The following UPRT variants were observed in gnomAD, a reference collection of about 807,000 sequenced individuals.
UPRT encodes uracil phosphoribosyltransferase homolog.
UPRT carries 5 observed loss-of-function variants against 22.6 expected under a neutral mutation model. The observed-to-expected ratio is 0.22, with a 90% CI of 0.12 to 0.47. The LOEUF (loss-of-function observed/expected upper bound fraction) is 0.47. Ranked by LOEUF, UPRT falls within the 20% of genes least tolerant of loss-of-function variation. UPRT has a pLI of 0.99. For synonymous variants in UPRT, 77 were observed against 87.7 expected, an observed-to-expected ratio of 0.88 and a Z score of 0.68; for missense variants, 181 against 239.9, an observed-to-expected ratio of 0.75 and a Z score of 1.62.
At chrX:75,226,786 G>T (rs1435545945) in intron 4 of UPRT, among the ~76,000 whole-genome samples, 1 of 109,708 alleles carries the variant, frequency 9.1e-6, no homozygotes. Context: ...TTTGTATATT[G>T]TCTGTTTCCC....
At chrX:75,219,757 C>T (rs1397076183) in intron 4 of UPRT, among the ~76,000 whole-genome samples, 1 of 111,015 alleles carries the variant, frequency 9.0e-6, no homozygotes, top group African/African-American at 3.3e-5. Flanking sequence ...ATGCAGACCC[C>T]AATACAATAA....
At chrX:75,234,459 C>G (rs1393104120) in intron 4 of UPRT, among the ~76,000 whole-genome samples, 1 of 111,719 alleles carries the variant, frequency 9.0e-6, no homozygotes, top group African/African-American at 3.3e-5. Context: ...ACAGAACACT[C>G]TACCCCAAAT....
intron 1 of UPRT, among the ~76,000 whole-genome samples, chrX:75,281,442 A>T (rs974077842): frequency 9.0e-6 from 1 of 111,361 alleles, no homozygotes; most frequent in Non-Finnish European, 1.9e-5. Flanking sequence ...TGTCCTTTCT[A>T]TGCTGATTTT....
rs762982496 is a variant in UPRT at position 75,229,231 on chromosome X, A to G, written c.-447+61352A>G. Among the ~76,000 whole-genome samples the G allele has an allele frequency of 7.1e-5, 8 of 112,246 alleles. No individual in the cohort carries two copies. In the Admixed American group the frequency reaches 7.6e-4, roughly 11 times the overall value. On this transcript the variant is annotated intron_variant, in intron 4 of 13. Coordinates refer to the UPRT transcript ENST00000652605. ...ATTAATTAGCTTTATTGTGGTAATC[A>G]TATCATATTGGATATGTATGTCAAA...
chrX:75,169,270 C>G (rs184803232), intron 4 of UPRT, among the ~76,000 whole-genome samples: 5 of 111,918 alleles, frequency 4.5e-5, no homozygotes, highest in African/African-American at 1.6e-4. Context: ...CAGATAATGA[C>G]TTCTTTTCCT....
chrX:75,193,534 A>G (rs1031304148), intron 4 of UPRT, among the ~76,000 whole-genome samples: 15 of 112,113 alleles, frequency 1.3e-4, no homozygotes, highest in Non-Finnish European at 3.8e-5. Flanking sequence ...CATGGATGAT[A>G]TCCTAAAATA....
In UPRT at chrX:75,283,516, G is replaced by A. The variant is rs758440623; in HGVS notation, c.386+8876G>A. The stretch of plus-strand genomic sequence containing the variant: ...ATAATGGTGAATTCTCTTAGCCTTT[G>A]TCTGAAAAAGGCTATATTTTTCCTT... On this transcript the variant is annotated intron_variant, in intron 1 of 6. Coordinates refer to ENST00000373383, the MANE Select transcript of UPRT (RefSeq NM_145052.4). 2.7e-5 allele frequency among the ~76,000 whole-genome samples: 3 copies of A among 111,334 alleles called. No homozygotes were observed. In the South Asian group the frequency reaches 1.1e-3, roughly 42 times the overall value.
At chrX:75,191,136 C>A (rs915534197) in intron 4 of UPRT, among the ~76,000 whole-genome samples, 1 of 111,642 alleles carries the variant, frequency 9.0e-6, no homozygotes, top group African/African-American at 3.3e-5. Context: ...TTGATGATGG[C>A]GACGTACAGA....
At chrX:75,179,111 A>T (rs1021943468) in intron 4 of UPRT, among the ~76,000 whole-genome samples, 5 of 111,651 alleles carry the variant, frequency 4.5e-5, no homozygotes, top group Admixed American at 9.4e-5. Flanking sequence ...TGCATTCATA[A>T]ACCTTGAGCT....
chrX:75,221,603 A>T (rs769890859), intron 4 of UPRT, among the ~76,000 whole-genome samples: 1 of 111,471 alleles, frequency 9.0e-6, no homozygotes, highest in Non-Finnish European at 1.9e-5. Context: ...ATCAATCCTG[A>T]TGCATTCTTC....
At chrX:75,241,658 A>G (rs1047826670) in intron 4 of UPRT, among the ~76,000 whole-genome samples, 7 of 111,882 alleles carry the variant, frequency 6.3e-5, no homozygotes, top group Admixed American at 9.5e-5. Context: ...CAATTGCAAA[A>G]ATGTGAAACC....
chrX:75,301,026 A>C, intron 6 of UPRT, 61 bp downstream of exon 6: 1 of 810,244 alleles, frequency 1.2e-6, no homozygotes. Flanking sequence ...GTAAGTATGC[A>C]TTTTCTAGCT....
chrX:75,299,450 G>A (rs2082736836), intron 4 of UPRT, among the ~76,000 whole-genome samples: 1 of 111,785 alleles, frequency 8.9e-6, no homozygotes, highest in Admixed American at 9.5e-5. Flanking sequence ...TCAACAAAAT[G>A]CTTTATTTCC....
At chrX:75,188,829 C>T (rs13362951) in intron 4 of UPRT, among the ~76,000 whole-genome samples, 3,209 of 111,954 alleles carry the variant, frequency 0.029, 115 homozygotes, top group African/African-American at 0.1. Flanking sequence ...GGAAAGGGAA[C>T]TCCCTGACCC....
intron 4 of UPRT, among the ~76,000 whole-genome samples, chrX:75,263,632 C>T (rs1200979460): frequency 5.5e-5 from 6 of 109,690 alleles, no homozygotes; most frequent in African/African-American, 1.6e-4. Flanking sequence ...GTCTTGCTAG[C>T]AGTCTATCAA....
At chrX:75,182,417 T>A (rs1450802428) in intron 4 of UPRT, among the ~76,000 whole-genome samples, 1 of 111,726 alleles carries the variant, frequency 9.0e-6, no homozygotes, top group Non-Finnish European at 1.9e-5. Context: ...TTTGGAATAG[T>A]TTTAGTTGAA....
At chrX:75,216,786 G>A (rs1209197846) in intron 4 of UPRT, among the ~76,000 whole-genome samples, 2 of 112,253 alleles carry the variant, frequency 1.8e-5, no homozygotes, top group Non-Finnish European at 1.9e-5. Context: ...ACGGAGTCTC[G>A]CTCTGTCTCC....
At chrX:75,270,724 C>T (rs979027033), upstream of UPRT, among the ~76,000 whole-genome samples, 10 of 110,638 alleles carry the variant, frequency 9.0e-5, no homozygotes, top group African/African-American at 2.6e-4. Context: ...CATAGATACA[C>T]GGAGGGGAAC....
intron 4 of UPRT, among the ~76,000 whole-genome samples, chrX:75,252,275 A>G (rs1185527067): frequency 3.6e-5 from 4 of 112,204 alleles, no homozygotes; most frequent in Non-Finnish European, 7.5e-5. Context: ...GTGAACAGGT[A>G]ACCTACAGAA....
Sources: allele counts gnomAD v4.1 joint callset (sites outside exome capture counted in the v4.1 genomes callset), GRCh38; gene constraint gnomAD v4.1.1; transcripts MANE v1.5; gene names NCBI Gene and HGNC (gene_info 2026-07-23, HGNC 2026-07-21).